ARMC9: variants seen among roughly 807,000 people sequenced by gnomAD.
ARMC9 encodes the protein armadillo repeat containing 9, also known as lisH domain-containing protein ARMC9.
ARMC9 carries 94 observed loss-of-function variants against 107.0 expected under a neutral mutation model. That is an observed-to-expected ratio of 0.88 (90% CI 0.74 to 1.04). The LOEUF is 1.04. Ranked by LOEUF, ARMC9 falls within the 50% of genes least tolerant of loss-of-function variation. The probability of loss-of-function intolerance (pLI) is 0.00; values close to 1 mark genes in which losing one functional copy is unlikely to be tolerated. For missense variants in ARMC9, 942 were observed against 1,030.1 expected, an observed-to-expected ratio of 0.91 and a Z score of 1.17; for synonymous variants, 380 against 396.9, an observed-to-expected ratio of 0.96 and a Z score of 0.51.
At chr2:231,355,335 G>A (rs143457951) in intron 21 of ARMC9, among the ~76,000 whole-genome samples, 136 of 152,280 alleles carry the variant, frequency 8.9e-4, no homozygotes, top group Non-Finnish European at 1.8e-3. Context: ...GTGAGACCCT[G>A]TCTCTAAGAA....
intron 14 of ARMC9, among the ~76,000 whole-genome samples, chr2:231,273,809 G>T (rs1050212645): frequency 6.6e-6 from 1 of 152,130 alleles, no homozygotes; most frequent in Non-Finnish European, 1.5e-5. Flanking sequence ...GATTTTTAGT[G>T]TATTTACAGA....
chr2:231,214,214 C>T (rs2033232788), intron 3 of ARMC9, among the ~76,000 whole-genome samples: 2 of 152,244 alleles, frequency 1.3e-5, no homozygotes, highest in South Asian at 2.1e-4. Context: ...CCTTCTCTGT[C>T]GCTGCAGCTG....
At chr2:231,331,946 G>A (rs1299259520) in intron 20 of ARMC9, 49 bp downstream of exon 20, 3 of 1,451,764 alleles carry the variant, frequency 2.1e-6, no homozygotes, top group African/African-American at 2.8e-5. Context: ...AGGCCAGATG[G>A]ACATTGATGG....
intron 21 of ARMC9, among the ~76,000 whole-genome samples, chr2:231,354,600 T>G (rs1427618033): frequency 6.6e-6 from 1 of 152,130 alleles, no homozygotes; most frequent in African/African-American, 2.4e-5. Context: ...CAAGCTGGTC[T>G]CAAACTCCTG....
intron 9 of ARMC9, among the ~76,000 whole-genome samples, chr2:231,245,390 A>G (rs2036664421): frequency 6.6e-6 from 1 of 152,186 alleles, no homozygotes; most frequent in Admixed American, 6.5e-5. Flanking sequence ...CTGTTCCTGG[A>G]TGACAGTCTG....
At chr2:231,261,347 G>A (rs2038322008) in intron 11 of ARMC9, among the ~76,000 whole-genome samples, 2 of 152,180 alleles carry the variant, frequency 1.3e-5, no homozygotes, top group South Asian at 2.1e-4. Flanking sequence ...TTTACTTGTA[G>A]CAACATGACA....
At chr2:231,326,086 A>G (rs1392313565) in intron 19 of ARMC9, among the ~76,000 whole-genome samples, 1 of 152,178 alleles carries the variant, frequency 6.6e-6, no homozygotes, top group African/African-American at 2.4e-5. Flanking sequence ...GCTCAGTCTT[A>G]GCCAGGCAGC....
Position 231,208,322 on chromosome 2 carries a change from G to A in ARMC9, c.177+70G>A, listed in dbSNP as rs2032326298. On this transcript the variant is annotated intron_variant, in intron 3 of 24. Coordinates refer to ENST00000611582, the MANE Select transcript of ARMC9 (RefSeq NM_001352754.2). ...CTCCCAACTTGTGGAAAATGCTGCT[G>A]TTGGATAGTGCTAGAATAGTTTTTG... 8.9e-6 allele frequency: 11 copies of A among 1,238,428 alleles called. No individual in the cohort carries two copies. The South Asian group carries it at 1.3e-4, about 14-fold the overall frequency. 76.7% of individuals were successfully genotyped at this position (1,238,428 alleles called of 1,614,324 possible).
chr2:231,313,737 G>C (rs180973633), intron 19 of ARMC9, among the ~76,000 whole-genome samples: 1 of 151,598 alleles, frequency 6.6e-6, no homozygotes, highest in Non-Finnish European at 1.5e-5. Context: ...GTATGCATGT[G>C]GCTAGTGTTT....
intron 19 of ARMC9, among the ~76,000 whole-genome samples, chr2:231,326,977 T>TC (rs950148852): frequency 6.6e-6 from 1 of 152,040 alleles, no homozygotes; most frequent in Non-Finnish European, 1.5e-5. Context: ...TGGCCTGCCC[T>TC]CCCCCTGCAC....
At chr2:231,249,013 C>A (rs1400934170) in intron 9 of ARMC9, among the ~76,000 whole-genome samples, 1 of 152,134 alleles carries the variant, frequency 6.6e-6, no homozygotes, top group Non-Finnish European at 1.5e-5. Context: ...ACAGCCTGCC[C>A]AGCCACAGTG....
intron 19 of ARMC9, among the ~76,000 whole-genome samples, chr2:231,316,012 T>C (rs901907519): frequency 2.0e-5 from 3 of 152,244 alleles, no homozygotes; most frequent in African/African-American, 4.8e-5. Context: ...GATTTATTAC[T>C]GGTCAAATAG....
intron 20 of ARMC9, among the ~76,000 whole-genome samples, chr2:231,337,448 C>T (rs1266798642): frequency 6.8e-6 from 1 of 147,482 alleles, no homozygotes; most frequent in Non-Finnish European, 1.5e-5. Flanking sequence ...AGGCGCGCGC[C>T]ACCACGCCCG....
At chr2:231,339,057 T>A (rs766146240) in intron 20 of ARMC9, among the ~76,000 whole-genome samples, 28 of 152,254 alleles carry the variant, frequency 1.8e-4, no homozygotes, top group Admixed American at 5.2e-4. Flanking sequence ...AGGCTGGGTG[T>A]GGTGGCTCAC....
chr2:231,234,508 T>C (rs1475125793), intron 7 of ARMC9, among the ~76,000 whole-genome samples: 1 of 152,208 alleles, frequency 6.6e-6, no homozygotes, highest in Non-Finnish European at 1.5e-5. Context: ...CCTGCAGATA[T>C]GAATTGTCCC....
At chr2:231,275,224 A>AT (rs2039658706) in intron 14 of ARMC9, among the ~76,000 whole-genome samples, 1 of 152,174 alleles carries the variant, frequency 6.6e-6, no homozygotes, top group Non-Finnish European at 1.5e-5. Context: ...AGCCACCCTG[A>AT]TTGGGTCAGT....
At chr2:231,201,270 C>T (rs2030904798) in intron 1 of ARMC9, among the ~76,000 whole-genome samples, 1 of 152,236 alleles carries the variant, frequency 6.6e-6, no homozygotes. Context: ...TTCACAAACC[C>T]CAGCTCCTTT....
intron 11 of ARMC9, 102 bp downstream of exon 11, chr2:231,259,204 T>C: frequency 7.9e-6 from 8 of 1,016,218 alleles, no homozygotes; most frequent in Non-Finnish European, 1.0e-5. Context: ...TCCAGAAATC[T>C]TTCTTCCCCG....
chr2:231,356,510 A>C (rs544653264), intron 22 of ARMC9, among the ~76,000 whole-genome samples: 2 of 152,340 alleles, frequency 1.3e-5, no homozygotes, highest in East Asian at 3.9e-4. Context: ...GATTATGAGC[A>C]GTTCAGATAA....
Sources: gnomAD v4.1 joint callset for allele counts (sites outside exome capture counted in the v4.1 genomes callset) on GRCh38, gnomAD v4.1.1 for gene constraint, MANE v1.5 for transcripts, NCBI Gene and HGNC (gene_info 2026-07-23, HGNC 2026-07-21) for gene names.